The following ZMYND11 variants were observed in gnomAD, a reference collection of about 807,000 sequenced individuals.
ZMYND11 encodes the protein zinc finger MYND-type containing 11.
Under a neutral mutation model 84.9 loss-of-function variants are expected in ZMYND11, and 9 were observed. That is an observed-to-expected ratio of 0.11 (90% CI 0.06 to 0.18). The LOEUF is 0.18. ZMYND11 is among the 10% of genes least tolerant of loss of function. The probability of loss-of-function intolerance (pLI) is 1.00; values close to 1 mark genes in which losing one functional copy is unlikely to be tolerated. For synonymous variants in ZMYND11, 250 were observed against 244.1 expected, an observed-to-expected ratio of 1.02 and a Z score of -0.23; for missense variants, 409 against 761.0, an observed-to-expected ratio of 0.54 and a Z score of 5.44.
intron 1 of ZMYND11, among the ~76,000 whole-genome samples, chr10:139,235 T>G (rs1564248782): frequency 6.6e-6 from 1 of 152,230 alleles, no homozygotes; most frequent in Non-Finnish European, 1.5e-5. Context: ...TTTTCTGTTT[T>G]TCATATCTGG....
Position 135,815 on chromosome 10 carries a change from C to T in ZMYND11, c.-20+256C>T, listed in dbSNP as rs1248874197. On this transcript the variant is annotated intron_variant, in intron 1 of 14. Coordinates refer to ENST00000381604, the MANE Select transcript of ZMYND11 (RefSeq NM_001370100.5). The surrounding 1 kb of genome is among the most constrained non-coding windows in gnomAD (Gnocchi z 5.6). Reference sequence around the variant, plus strand: ...AGGCTGCCGGCCCGCGCCCACTCGCCTTGGGCGGCCGCGGAAGAGGCCCCG... The same window carrying T: ...AGGCTGCCGGCCCGCGCCCACTCGCTTTGGGCGGCCGCGGAAGAGGCCCCG... Among the ~76,000 whole-genome samples the T allele has an allele frequency of 6.7e-6, 1 of 149,646 alleles. No homozygotes were observed. Among genetic ancestry groups the T allele is most frequent in the Middle Eastern group, 3.4e-3 (1 of 292 alleles).
At position 248,491 on chromosome 10, in the gene ZMYND11, C is replaced by T. The variant is rs140672190; in HGVS notation, c.1383C>T (p.Gly461=). The change falls in exon 13 of 15, where the codon GGC becomes GGT. Residue 461 remains glycine (G), a synonymous_variant. Transcript: ENST00000381604. The part of the protein sequence containing the change: ...LHRSTQTTND[G]VCQSMCHDKY... ...GGAGCACCCAGACCACAAACGACGGCGTGTGTCAGAGCATGTGCCATGACA... is the reference window on the plus strand; with the variant it reads ...GGAGCACCCAGACCACAAACGACGGTGTGTGTCAGAGCATGTGCCATGACA... 107 of 1,614,062 alleles carry T rather than the reference C, an allele frequency of 6.6e-5. No individual in the cohort carries two copies. The highest frequency in any genetic ancestry group is 1.7e-4 in the Admixed American group (10 of 60,000).
rs1950088065 is a variant in ZMYND11 at position 236,901 on chromosome 10, C to A, written c.502C>A (p.Arg168Ser). 6.2e-7 allele frequency: 1 copy of A among 1,612,972 alleles called. No individual in the cohort carries two copies. ...MGTYLRFIVSRMKERAIDLNK... is the reference protein window; with the variant it reads ...MGTYLRFIVSSMKERAIDLNK... ...CACATACCTCAGATTCATTGTCTCC[C>A]GCATGAAGGAGAGGGTGAGTCCTGC... The change falls in exon 5 of 15, where the codon CGC becomes AGC. Residue 168 changes from arginine to serine, a missense_variant. Coordinates refer to ENST00000381604, the MANE Select transcript of ZMYND11 (RefSeq NM_001370100.5).
At chr10:204,265 T>C (rs1233160357) in intron 2 of ZMYND11, among the ~76,000 whole-genome samples, 2 of 152,178 alleles carry the variant, frequency 1.3e-5, no homozygotes, top group Non-Finnish European at 2.9e-5. Flanking sequence ...AATGCCACTT[T>C]TACTGTAATG....
intron 2 of ZMYND11, among the ~76,000 whole-genome samples, chr10:204,108 T>G (rs1445485490): frequency 6.6e-6 from 1 of 152,190 alleles, no homozygotes; most frequent in Non-Finnish European, 1.5e-5. Flanking sequence ...TGAACAATTG[T>G]GTGGTTTTGT....
chr10:167,652 C>T (rs755551669), intron 1 of ZMYND11, among the ~76,000 whole-genome samples: 9 of 152,034 alleles, frequency 5.9e-5, no homozygotes, highest in Non-Finnish European at 1.2e-4. Context: ...GCCAGTTATC[C>T]ATGTTCTATG....
chr10:248,838 T>C (rs1291660069), intron 13 of ZMYND11, 65 bp from the exon 14 acceptor site: 2 of 1,534,752 alleles, frequency 1.3e-6, no homozygotes, highest in African/African-American at 1.4e-5. Context: ...TAAGTTTCTG[T>C]TCCAGTGTAG....
In ZMYND11 at chr10:252,563, C is replaced by T; in HGVS notation, c.*93C>T. The T allele has an allele frequency of 6.7e-7, 1 of 1,496,956 alleles. No individual in the cohort carries two copies. The highest frequency in any genetic ancestry group is 8.9e-7 in the Non-Finnish European group (1 of 1,125,844). The allele number at this position is 1,496,956 out of a possible 1,614,324, so 92.7% of individuals were successfully genotyped here. ...AGCCAAAATTGTTTAGAATTTGCTT[C>T]CCATTTTGCACCAGCCTTTAAACAC... On this transcript the variant is annotated 3_prime_UTR_variant, in exon 15 of 15. Coordinates refer to ENST00000381604, the MANE Select transcript of ZMYND11 (RefSeq NM_001370100.5). This position sits in a 1 kb window ranked among gnomAD's most constrained non-coding sequence, Gnocchi z 4.6.
At chr10:186,361 G>A (rs1355821389) in intron 2 of ZMYND11, among the ~76,000 whole-genome samples, 1 of 151,698 alleles carries the variant, frequency 6.6e-6, no homozygotes, top group African/African-American at 2.4e-5. Context: ...AAGAAATTCC[G>A]GCCGGGCGCC....
intron 4 of ZMYND11, among the ~76,000 whole-genome samples, chr10:226,750 C>G (rs762417085): frequency 6.6e-6 from 1 of 152,120 alleles, no homozygotes; most frequent in African/African-American, 2.4e-5. Context: ...GAAATCCCTC[C>G]AAAGAGTTTT....
intron 1 of ZMYND11, among the ~76,000 whole-genome samples, chr10:152,670 A>G (rs1840686478): frequency 6.6e-6 from 1 of 152,164 alleles, no homozygotes; most frequent in African/African-American, 2.4e-5. Context: ...GAAAGTCAAC[A>G]AGGATATCCA....
At chr10:176,208 T>C (rs1409935437) in intron 1 of ZMYND11, among the ~76,000 whole-genome samples, 1 of 152,188 alleles carries the variant, frequency 6.6e-6, no homozygotes, top group Non-Finnish European at 1.5e-5. Context: ...TCTGGATTTG[T>C]TGGGATAGAG....
rs552148701 is a variant in ZMYND11, at chr10:173,723, A to G, written c.-19-6271A>G. 1.4e-4 allele frequency among the ~76,000 whole-genome samples: 22 copies of G among 152,310 alleles called. 1 individual carries two copies. The South Asian group carries it at 4.4e-3, about 30-fold the overall frequency. On this transcript the variant is annotated intron_variant, in intron 1 of 14. Transcript: ENST00000381604. ...GAGACCCTGTTTCAAAAATACTAAA[A>G]AAAAAATTTTTTTAAGGGCAAAAGA... is the stretch of plus-strand genomic sequence containing the variant.
At chr10:166,847 G>C (rs1844122098) in intron 1 of ZMYND11, among the ~76,000 whole-genome samples, 1 of 152,058 alleles carries the variant, frequency 6.6e-6, no homozygotes, top group Non-Finnish European at 1.5e-5. Flanking sequence ...AACTACCCAA[G>C]TGTCCATCAA....
intron 2 of ZMYND11, among the ~76,000 whole-genome samples, chr10:197,270 C>A (rs1204283331): frequency 2.6e-5 from 4 of 151,224 alleles, no homozygotes; most frequent in African/African-American, 9.7e-5. Context: ...GCTTTTAGTT[C>A]ATGTGTGTGC....
At chr10:207,635 T>G (rs980282575) in intron 2 of ZMYND11, among the ~76,000 whole-genome samples, 2 of 152,020 alleles carry the variant, frequency 1.3e-5, no homozygotes, top group African/African-American at 2.4e-5. Context: ...CACTGCTCAA[T>G]GAAATAAAAG....
chr10:144,077 A>G (rs1039519102), intron 1 of ZMYND11, among the ~76,000 whole-genome samples: 4 of 152,204 alleles, frequency 2.6e-5, no homozygotes, highest in African/African-American at 9.6e-5. Flanking sequence ...CTATTCAAAT[A>G]AAAATAATTT....
chr10:248,523 C>T lies in ZMYND11; in HGVS notation c.1415C>T (p.Thr472Ile). The change falls in exon 13 of 15, where the codon ACC becomes ATC. Residue 472 changes from threonine to isoleucine, a missense_variant. This residue lies in a region of ZMYND11 where 141 missense variants were observed against 173.8 expected (regional missense o/e 0.81). Transcript: ENST00000381604. ...CAGAGCATGTGCCATGACAAATACA[C>T]CAAGATCTTCAATGACTTCAAAGAC... is the stretch of plus-strand genomic sequence containing the variant. ...VCQSMCHDKYTKIFNDFKDRM... is the reference protein window; with the variant it reads ...VCQSMCHDKYIKIFNDFKDRM... The T allele has an allele frequency of 1.2e-6, 2 of 1,614,128 alleles. No individual in the cohort carries two copies. The highest frequency in any genetic ancestry group is 2.2e-5 in the South Asian group (2 of 91,084).
intron 1 of ZMYND11, among the ~76,000 whole-genome samples, chr10:176,348 C>G (rs1327477225): frequency 6.6e-6 from 1 of 151,966 alleles, no homozygotes; most frequent in Admixed American, 6.6e-5. Context: ...TAATATTCCT[C>G]AAATGTGTTG....
Sources: gnomAD v4.1 joint callset for allele counts (sites outside exome capture counted in the v4.1 genomes callset) on GRCh38, gnomAD v4.1.1 for gene constraint, gnomAD v4.1.1 regional missense constraint, Gnocchi (gnomAD v3.1) non-coding constraint, MANE v1.5 for transcripts, NCBI Gene and HGNC (gene_info 2026-07-23, HGNC 2026-07-21) for gene names.